Variants in WWOX observed in about 807,000 individuals in gnomAD.
The protein encoded by WWOX is WW domain containing oxidoreductase.
Under a neutral mutation model 46.2 loss-of-function variants are expected in WWOX, and 69 were observed. The observed-to-expected ratio is 1.49, with a 90% confidence interval of 1.23 to 1.82. The LOEUF (loss-of-function observed/expected upper bound fraction) is 1.82. Ranked by LOEUF, WWOX falls within the 40% of genes most tolerant of loss-of-function variation. The pLI, the probability that WWOX is intolerant of heterozygous loss-of-function variation, is 0.00. For missense variants in WWOX, 919 were observed against 542.6 expected (o/e 1.69, Z -6.89); for synonymous variants, 359 against 202.6 (o/e 1.77, Z -6.56).
rs144337650 is a variant in WWOX, at chr16:79,040,125, C to T, written c.1057-171483C>T. ...ATAGGTTGCTGTGAAGATTGGCTCACATCAGTAATGTACTTGGAATGGATC... is the reference window on the plus strand; with the variant it reads ...ATAGGTTGCTGTGAAGATTGGCTCATATCAGTAATGTACTTGGAATGGATC... On this transcript the variant is annotated intron_variant, in intron 8 of 8. Coordinates refer to ENST00000566780, the MANE Select transcript of WWOX (RefSeq NM_016373.4). Among the ~76,000 whole-genome samples, 197 of 152,234 alleles carry T rather than the reference C, an allele frequency of 1.3e-3. 1 individual carries two copies. Among genetic ancestry groups the T allele is most frequent in the African/African-American group, 4.3e-3 (180 of 41,528 alleles).
At chr16:79,124,618 G>T (rs1330604867) in intron 8 of WWOX, among the ~76,000 whole-genome samples, 2 of 152,158 alleles carry the variant, frequency 1.3e-5, no homozygotes, top group East Asian at 1.9e-4. Context: ...TTTTAAGCGA[G>T]ACTTCTTGTG....
intron 8 of WWOX, among the ~76,000 whole-genome samples, chr16:78,600,073 T>A (rs115245616): frequency 4.6e-5 from 7 of 152,142 alleles, no homozygotes; most frequent in African/African-American, 1.7e-4. Flanking sequence ...TCTTACATGG[T>A]TGGCAGCAGG....
intron 8 of WWOX, among the ~76,000 whole-genome samples, chr16:79,047,786 C>T (rs553999529): frequency 2.8e-5 from 4 of 143,494 alleles, no homozygotes; most frequent in African/African-American, 5.2e-5. Flanking sequence ...CTCTTGGTTG[C>T]GATCTGATGA....
chr16:78,864,412 C>T (rs370146732), intron 8 of WWOX, among the ~76,000 whole-genome samples: 4 of 151,930 alleles, frequency 2.6e-5, no homozygotes, highest in East Asian at 1.9e-4. Context: ...GGACCACAGG[C>T]GCATGCCACC....
intron 8 of WWOX, among the ~76,000 whole-genome samples, chr16:79,066,431 C>T (rs2048443123): frequency 6.6e-6 from 1 of 151,826 alleles, no homozygotes; most frequent in South Asian, 2.1e-4. Context: ...ATCAAGTGCG[C>T]AATTAGGCTC....
chr16:79,041,098 A>G (rs1221524423), intron 8 of WWOX, among the ~76,000 whole-genome samples: 2 of 152,102 alleles, frequency 1.3e-5, no homozygotes, highest in Non-Finnish European at 2.9e-5. Flanking sequence ...CATGTAATTC[A>G]TTACGTGTGT....
At chr16:78,479,720 G>A (rs1022690907) in intron 8 of WWOX, among the ~76,000 whole-genome samples, 1 of 152,164 alleles carries the variant, frequency 6.6e-6, no homozygotes, top group Non-Finnish European at 1.5e-5. Flanking sequence ...GCCAGGACAC[G>A]AAATATAGTG....
chr16:78,934,804 AAAGAG>A (rs2045701854), intron 8 of WWOX, among the ~76,000 whole-genome samples: 1 of 152,030 alleles, frequency 6.6e-6, no homozygotes, highest in African/African-American at 2.4e-5. Context: ...GCAGATGTTA[AAAGAG>A]AAGAAGCAGA....
chr16:79,015,289 G>A (rs1434162163), intron 8 of WWOX, among the ~76,000 whole-genome samples: 1 of 152,210 alleles, frequency 6.6e-6, no homozygotes, highest in African/African-American at 2.4e-5. Flanking sequence ...AGGAAGCTCA[G>A]CTGAACAGAT....
chr16:78,634,558 T>G (rs778790728), intron 8 of WWOX, among the ~76,000 whole-genome samples: 7 of 151,786 alleles, frequency 4.6e-5, no homozygotes, highest in Non-Finnish European at 1.0e-4. Flanking sequence ...ATACAAAAAT[T>G]AGCTGGGCAT....
intron 5 of WWOX, among the ~76,000 whole-genome samples, chr16:78,375,852 AT>A (rs11312205): frequency 0.6 from 77,898 of 129,166 alleles, 23,507 homozygotes; most frequent in Non-Finnish European, 0.69. Flanking sequence ...CATGTATAGG[AT>A]TTTTTTTTTT....
intron 7 of WWOX, among the ~76,000 whole-genome samples, chr16:78,425,572 C>G (rs1461683507): frequency 1.3e-5 from 2 of 152,160 alleles, no homozygotes; most frequent in African/African-American, 4.8e-5. Flanking sequence ...GTTAAAATTT[C>G]AATTAAAACA....
chr16:78,616,845 C>T (rs1334065586), intron 8 of WWOX, among the ~76,000 whole-genome samples: 1 of 152,074 alleles, frequency 6.6e-6, no homozygotes, highest in Admixed American at 6.5e-5. Context: ...TAATTACCTC[C>T]CAAAGTCCGC....
At chr16:78,925,541 T>G (rs1419404205) in intron 8 of WWOX, among the ~76,000 whole-genome samples, 1 of 152,228 alleles carries the variant, frequency 6.6e-6, no homozygotes. Flanking sequence ...TTTCTGCTTC[T>G]TTCCACTAGG....
intron 5 of WWOX, among the ~76,000 whole-genome samples, chr16:78,369,498 G>T (rs2081615544): frequency 6.6e-6 from 1 of 152,142 alleles, no homozygotes; most frequent in Admixed American, 6.5e-5. Flanking sequence ...GTCTCCTCAG[G>T]CACAACATGC....
chr16:78,372,534 C>G (rs1009771284), intron 5 of WWOX, among the ~76,000 whole-genome samples: 2 of 152,164 alleles, frequency 1.3e-5, no homozygotes, highest in African/African-American at 2.4e-5. Flanking sequence ...TTATCCAGGT[C>G]TGAAATCTGC....
At chr16:78,333,720 C>T (rs1424966744) in intron 5 of WWOX, among the ~76,000 whole-genome samples, 1 of 152,170 alleles carries the variant, frequency 6.6e-6, no homozygotes, top group African/African-American at 2.4e-5. Context: ...AGACTTGATA[C>T]ACATGAAATA....
chr16:79,147,686 A>G (rs183161185), intron 8 of WWOX, among the ~76,000 whole-genome samples: 2 of 152,250 alleles, frequency 1.3e-5, no homozygotes, highest in African/African-American at 4.8e-5. Context: ...TTTCCATGCT[A>G]TTTTACATTT....
rs74875303 is a variant in WWOX, at chr16:78,511,141, C to A, written c.1056+78389C>A. ...CAGGTCCTCCCCTTTCTGATATTTA[C>A]AGCCCTTGCAACCGCCTGTACAAAA... On this transcript the variant is annotated intron_variant, in intron 8 of 8. Coordinates refer to ENST00000566780, the MANE Select transcript of WWOX (RefSeq NM_016373.4). 5.8e-4 allele frequency among the ~76,000 whole-genome samples: 88 copies of A among 152,302 alleles called. 1 individual carries two copies. Among genetic ancestry groups the A allele is most frequent in the African/African-American group, 2.1e-3 (86 of 41,570 alleles).
Sources: allele counts gnomAD v4.1 joint callset (sites outside exome capture counted in the v4.1 genomes callset), GRCh38; gene constraint gnomAD v4.1.1; transcripts MANE v1.5; gene names NCBI Gene and HGNC (gene_info 2026-07-23, HGNC 2026-07-21).